Variants in ERBB3 observed in about 807,000 individuals in gnomAD.
ERBB3 encodes receptor tyrosine-protein kinase erbB-3.
ERBB3 carries 96 observed loss-of-function variants against 156.7 expected under a neutral mutation model. That is an observed-to-expected ratio of 0.61 (90% CI 0.52 to 0.73). The LOEUF (loss-of-function observed/expected upper bound fraction) is 0.73, where lower values mean the gene tolerates loss of function less well. Among genes scored for constraint, ERBB3 ranks in the 30% least tolerant of loss-of-function variants. The pLI, the probability that ERBB3 is intolerant of heterozygous loss-of-function variation, is 0.00. For synonymous variants in ERBB3, 567 were observed against 632.0 expected (o/e 0.90, Z 1.54); for missense variants, 1,406 against 1,709.4 (o/e 0.82, Z 3.13).
chr12:56,101,803 C>T lies in ERBB3; in HGVS notation c.3777C>T (p.Asp1259=). 6.2e-7 allele frequency: 1 copy of T among 1,613,078 alleles called. No homozygotes were observed. Among genetic ancestry groups the T allele is most frequent in the Non-Finnish European group, 8.5e-7 (1 of 1,179,820 alleles). ...MPTAGTTPDE[D]YEYMNRQRDG... Reference sequence around the variant, plus strand: ...CTGCAGGCACAACTCCAGATGAAGACTATGAATATATGAATCGGCAACGAG... The same window carrying T: ...CTGCAGGCACAACTCCAGATGAAGATTATGAATATATGAATCGGCAACGAG... Residue 1259 remains aspartate, a synonymous_variant, in exon 28 of 28, where the codon GAC becomes GAT. Transcript: ENST00000267101.
At chr12:56,091,741 TAGTTA>T (rs1868720673) in intron 9 of ERBB3, among the ~76,000 whole-genome samples, 1 of 152,140 alleles carries the variant, frequency 6.6e-6, no homozygotes, top group South Asian at 2.1e-4. Flanking sequence ...TCTGGTCACT[TAGTTA>T]AGGTGATATC....
chr12:56,087,723 G>C, intron 5 of ERBB3, 72 bp from the exon 6 acceptor site: 2 of 1,586,468 alleles, frequency 1.3e-6, no homozygotes, highest in Non-Finnish European at 1.7e-6. Flanking sequence ...AACACTGTGG[G>C]GGAGGCATGA....
chr12:56,083,872 G>A lies in ERBB3; in HGVS notation c.204G>A (p.Thr68=), dbSNP rs760399408. ...TGGGGAACCTTGAGATTGTGCTCAC[G>A]GGACACAATGCCGACCTCTCCTTCC... ...VVMGNLEIVL[T]GHNADLSFLQ... is the part of the protein sequence containing the mutation. The change falls in exon 2 of 28, where the codon ACG becomes ACA. Residue 68 remains threonine, a synonymous_variant. Coordinates refer to ENST00000267101, the MANE Select transcript of ERBB3 (RefSeq NM_001982.4). 1.2e-5 allele frequency: 20 copies of A among 1,614,028 alleles called. No individual in the cohort carries two copies. Among genetic ancestry groups the A allele is most frequent in the East Asian group, 4.5e-5 (2 of 44,878 alleles).
chr12:56,083,381 G>T, intron 1 of ERBB3: 1 of 356,358 alleles, frequency 2.8e-6, no homozygotes, highest in South Asian at 2.3e-5. Context: ...CTAGTTGGAG[G>T]GGGAGAGGAG....
chr12:56,100,964 A>G (rs11324906), intron 26 of ERBB3, 97 bp from the exon 27 acceptor site: 3 of 712,808 alleles, frequency 4.2e-6, no homozygotes, highest in Admixed American at 2.9e-5. Context: ...AAAAAAAAAA[A>G]GGCAGTGAAC....
rs1488393403 is a variant in ERBB3, at chr12:56,101,151, G to C, written c.3292G>C (p.Glu1098Gln). 1.9e-6 allele frequency: 3 copies of C among 1,614,022 alleles called. No individual in the cohort carries two copies. The highest frequency in any genetic ancestry group is 1.7e-6 in the Non-Finnish European group (2 of 1,180,034). The change falls in exon 27 of 28, where the codon GAG becomes CAG. Residue 1098 changes from glutamate to glutamine, a missense_variant. Glu to Gln is a conservative substitution (Grantham distance 29, BLOSUM62 2). Coordinates refer to ENST00000267101, the MANE Select transcript of ERBB3 (RefSeq NM_001982.4). ...GGGATGCCTGGCATCAGAGTCATCA[G>C]AGGGGCATGTAACAGGCTCTGAGGC... ...PRGCLASESS[E>Q]GHVTGSEAEL...
chr12:56,086,468 G>A (rs1298283228), intron 3 of ERBB3, 63 bp from the exon 4 acceptor site: 2 of 1,608,400 alleles, frequency 1.2e-6, no homozygotes, highest in Non-Finnish European at 1.7e-6. Flanking sequence ...TGGATGGGTG[G>A]AGAGGTAAGG....
At chr12:56,096,930 A>G (rs943615669) in intron 19 of ERBB3, 84 bp downstream of exon 19, 2 of 1,064,504 alleles carry the variant, frequency 1.9e-6, no homozygotes, top group African/African-American at 3.3e-5. Context: ...TGTGCTTCTC[A>G]GCAGCTACTA....
At chr12:56,095,134 C>T (rs1868849951) in intron 15 of ERBB3, 123 bp from the exon 16 acceptor site, 1 of 768,210 alleles carries the variant, frequency 1.3e-6, no homozygotes. Context: ...GTCTTGGGAT[C>T]AGCTCTGGGC....
chr12:56,091,516 T>C (rs1383108111), intron 9 of ERBB3, among the ~76,000 whole-genome samples: 1 of 149,894 alleles, frequency 6.7e-6, no homozygotes, highest in Non-Finnish European at 1.5e-5. Flanking sequence ...CAAGCCATTC[T>C]CTATAGAGAC....
intron 16 of ERBB3, 119 bp from the exon 17 acceptor site, chr12:56,095,546 T>C (rs1199132825): frequency 8.1e-7 from 1 of 1,231,910 alleles, no homozygotes; most frequent in African/African-American, 1.5e-5. Context: ...CTTAAGGATA[T>C]ATATGTGAAT....
chr12:56,095,798 C>A lies in ERBB3; in HGVS notation c.2047C>A (p.Arg683=). The A allele has an allele frequency of 1.2e-6, 2 of 1,614,164 alleles. No individual in the cohort carries two copies. Among genetic ancestry groups the A allele is most frequent in the Non-Finnish European group, 1.7e-6 (2 of 1,180,022 alleles). The change falls in exon 17 of 28, where the codon CGG becomes AGG. Residue 683 remains arginine, a synonymous_variant. Coordinates refer to ENST00000267101, the MANE Select transcript of ERBB3 (RefSeq NM_001982.4). The part of the protein sequence containing the change: ...NKRAMRRYLE[R]GESIEPLDPS... ...AAGGGCTATGAGGCGATACTTGGAA[C>A]GGGGTGAGGTGAGTACTTAGCTTAC...
rs559956465 is a variant in ERBB3 at position 56,081,146 on chromosome 12, C to A, written c.82+764C>A. 5.9e-5 allele frequency among the ~76,000 whole-genome samples: 9 copies of A among 152,356 alleles called. No individual in the cohort carries two copies. In the South Asian group the frequency reaches 1.9e-3, roughly 32 times the overall value. ...GCCTCTGGTCTTTTCTCTCCCCAAC[C>A]TGAGGATCAAGAGGGCACCTCTGCT... is the stretch of plus-strand genomic sequence containing the variant. On this transcript the variant is annotated intron_variant, in intron 1 of 27. Transcript: ENST00000267101.
At chr12:56,094,347 G>A in intron 14 of ERBB3, 55 bp from the exon 15 acceptor site, 1 of 1,605,000 alleles carries the variant, frequency 6.2e-7, no homozygotes, top group Non-Finnish European at 8.5e-7. Context: ...TTTGCTGGGA[G>A]GTATGGAATT....
At position 56,093,032 on chromosome 12, in the gene ERBB3, T is replaced by G; in HGVS notation, c.1230T>G (p.Ser410Arg). ...QSWPPHMHNFSVFSNLTTIGG... is the reference protein window; with the variant it reads ...QSWPPHMHNFRVFSNLTTIGG... ...GGCCGCCCCACATGCACAACTTCAG[T>G]GTTTTTTCCAATTTGACAACCATTG... is the stretch of plus-strand genomic sequence containing the variant. Residue 410 changes from serine to arginine, a missense_variant, in exon 11 of 28, where the codon AGT (serine) becomes AGG (arginine). Transcript: ENST00000267101. The G allele has an allele frequency of 1.2e-6, 2 of 1,614,168 alleles. No homozygotes were observed. Among genetic ancestry groups the G allele is most frequent in the Non-Finnish European group, 8.5e-7 (1 of 1,180,024 alleles).
intron 21 of ERBB3, 93 bp from the exon 22 acceptor site, chr12:56,098,407 G>C (rs1254625037): frequency 1.0e-6 from 1 of 964,268 alleles, no homozygotes; most frequent in African/African-American, 1.7e-5. Flanking sequence ...GCGAGACTCC[G>C]TCTCAAAAAA....
intron 17 of ERBB3, chr12:56,096,292 C>G: frequency 1.6e-6 from 1 of 626,206 alleles, no homozygotes; most frequent in East Asian, 2.8e-5. Flanking sequence ...AAAACCCAAC[C>G]CCTTTGATTC....
At chr12:56,094,340 G>C in intron 14 of ERBB3, 62 bp from the exon 15 acceptor site, 1 of 1,601,700 alleles carries the variant, frequency 6.2e-7, no homozygotes, top group South Asian at 1.1e-5. Flanking sequence ...GTTGGTCTTT[G>C]CTGGGAGGTA....
chr12:56,091,470 G>A (rs1329380154), intron 9 of ERBB3, among the ~76,000 whole-genome samples: 1 of 143,000 alleles, frequency 7.0e-6, no homozygotes, highest in East Asian at 2.0e-4. Context: ...GTGCAGTGGC[G>A]TGATCTCAGC....
Sources: gnomAD v4.1 joint callset for allele counts (sites outside exome capture counted in the v4.1 genomes callset) on GRCh38, gnomAD v4.1.1 for gene constraint, MANE v1.5 for transcripts, NCBI Gene and HGNC (gene_info 2026-07-23, HGNC 2026-07-21) for gene names.